DLG2: variants seen among roughly 807,000 people sequenced by gnomAD.
The protein encoded by DLG2 is disks large homolog 2.
In DLG2, 45 loss-of-function variants were observed where a neutral mutation model predicts 132.5. The ratio of observed to expected loss-of-function variants is 0.34; its 90% CI spans 0.27 to 0.44. The LOEUF (loss-of-function observed/expected upper bound fraction) is 0.44, where lower values mean the gene tolerates loss of function less well. Among genes scored for constraint, DLG2 ranks in the 20% least tolerant of loss-of-function variants. The pLI, the probability that DLG2 is intolerant of heterozygous loss-of-function variation, is 1.00. For missense variants in DLG2, 1,045 were observed against 1,196.9 expected (o/e 0.87, Z 1.87); for synonymous variants, 424 against 419.6 (o/e 1.01, Z -0.13).
At chr11:84,912,058 T>G (rs1182769505) in intron 6 of DLG2, among the ~76,000 whole-genome samples, 1 of 152,196 alleles carries the variant, frequency 6.6e-6, no homozygotes, top group African/African-American at 2.4e-5. Flanking sequence ...TAAGGAAATG[T>G]TCAGCTACAT....
At chr11:83,586,753 C>T (rs1014385497) in intron 19 of DLG2, among the ~76,000 whole-genome samples, 5 of 152,116 alleles carry the variant, frequency 3.3e-5, no homozygotes, top group African/African-American at 7.2e-5. Flanking sequence ...AACCAGCTTG[C>T]GTAAGTTTTC....
chr11:84,188,190 T>C (rs1033019866), intron 8 of DLG2, among the ~76,000 whole-genome samples: 16 of 152,122 alleles, frequency 1.1e-4, no homozygotes, highest in Non-Finnish European at 1.5e-5. Flanking sequence ...AAAATATAGT[T>C]ATACGCTTTA....
intron 16 of DLG2, among the ~76,000 whole-genome samples, chr11:83,861,518 AT>A (rs552178959): frequency 8.5e-5 from 13 of 152,236 alleles, no homozygotes; most frequent in Non-Finnish European, 1.5e-4. Context: ...AAAATGTGGT[AT>A]GTATACACAA....
intron 6 of DLG2, among the ~76,000 whole-genome samples, chr11:85,072,560 G>A (rs1265647967): frequency 6.6e-6 from 1 of 151,786 alleles, no homozygotes; most frequent in African/African-American, 2.4e-5. Flanking sequence ...CTTGCCAAGG[G>A]CTTTAAATAC....
chr11:83,982,345 G>A (rs2092862066), intron 11 of DLG2, among the ~76,000 whole-genome samples: 1 of 151,958 alleles, frequency 6.6e-6, no homozygotes, highest in African/African-American at 2.4e-5. Flanking sequence ...CATTTTACAT[G>A]TTATTGCTCC....
intron 6 of DLG2, among the ~76,000 whole-genome samples, chr11:85,040,403 T>A (rs151241771): frequency 5.2e-4 from 79 of 152,134 alleles, no homozygotes; most frequent in African/African-American, 1.9e-3. Context: ...CACATTTGAC[T>A]ATGTAAAGAT....
At chr11:85,164,032 T>TTGGGGTTTC (rs1266933940) in intron 4 of DLG2, among the ~76,000 whole-genome samples, 2 of 152,088 alleles carry the variant, frequency 1.3e-5, no homozygotes, top group East Asian at 3.8e-4. Flanking sequence ...AAATAAGGGC[T>TTGGGGTTTC]TGGGGTTTCT....
At chr11:84,249,807 G>T (rs753374072) in intron 8 of DLG2, among the ~76,000 whole-genome samples, 6 of 152,166 alleles carry the variant, frequency 3.9e-5, no homozygotes, top group Non-Finnish European at 5.9e-5. Context: ...TTCCGGTCTG[G>T]TCCCAAACTA....
chr11:85,258,804 G>T (rs2076792580), intron 4 of DLG2, among the ~76,000 whole-genome samples: 1 of 152,078 alleles, frequency 6.6e-6, no homozygotes, highest in Non-Finnish European at 1.5e-5. Flanking sequence ...GTAGGAGAGG[G>T]GAGGCTCAAG....
intron 17 of DLG2, among the ~76,000 whole-genome samples, chr11:83,804,223 T>A (rs932170047): frequency 1.3e-5 from 2 of 152,110 alleles, no homozygotes; most frequent in Non-Finnish European, 2.9e-5. Flanking sequence ...TCTTCCCAAC[T>A]GCAATCAGTC....
intron 18 of DLG2, chr11:83,652,087 A>C: frequency 3.4e-6 from 1 of 296,186 alleles, no homozygotes; most frequent in South Asian, 3.1e-5. Context: ...ATGTAGTATC[A>C]TCGTTTGCCC....
At chr11:85,506,895 G>A (rs999230570) in intron 3 of DLG2, among the ~76,000 whole-genome samples, 1 of 152,156 alleles carries the variant, frequency 6.6e-6, no homozygotes, top group Non-Finnish European at 1.5e-5. Context: ...ATGAATCTGG[G>A]TGCTCCTGTA....
intron 7 of DLG2, among the ~76,000 whole-genome samples, chr11:84,400,412 A>C (rs1444394068): frequency 6.6e-6 from 1 of 152,168 alleles, no homozygotes; most frequent in East Asian, 1.9e-4. Flanking sequence ...TGGTGAAGTA[A>C]ACCTAAGACT....
chr11:85,474,772 AT>A (rs145537189), intron 3 of DLG2, among the ~76,000 whole-genome samples: 1 of 151,754 alleles, frequency 6.6e-6, no homozygotes, highest in East Asian at 1.9e-4. Flanking sequence ...TTTAATTAAA[AT>A]TTACTTAATG....
intron 3 of DLG2, among the ~76,000 whole-genome samples, chr11:85,531,763 G>C (rs765962278): frequency 6.6e-5 from 10 of 152,140 alleles, no homozygotes; most frequent in African/African-American, 9.7e-5. Context: ...CACGCTGCAA[G>C]ATAAAATTAG....
intron 3 of DLG2, among the ~76,000 whole-genome samples, chr11:85,395,196 T>G (rs1228034470): frequency 6.6e-6 from 1 of 152,104 alleles, no homozygotes; most frequent in Non-Finnish European, 1.5e-5. Flanking sequence ...GAAAAAAGTG[T>G]TAATAAAGAT....
chr11:83,543,353 GT>G (rs1319751866), intron 19 of DLG2, among the ~76,000 whole-genome samples: 1 of 152,130 alleles, frequency 6.6e-6, no homozygotes, highest in Non-Finnish European at 1.5e-5. Context: ...TGAGCCACAG[GT>G]TTTTTGATGC....
chr11:84,861,617 G>A (rs1421140428), intron 6 of DLG2, among the ~76,000 whole-genome samples: 5 of 12,780 alleles, frequency 3.9e-4, no homozygotes, highest in Admixed American at 1.1e-3. Context: ...CTTCTACACA[G>A]CAAAAAAAAA....
chr11:84,190,802 C>G (rs1394244062), intron 8 of DLG2, among the ~76,000 whole-genome samples: 2 of 152,160 alleles, frequency 1.3e-5, no homozygotes, highest in Admixed American at 6.5e-5. Flanking sequence ...CTTCCTTCCT[C>G]TTCCCTCACT....
Sources: gnomAD v4.1 joint callset for allele counts (sites outside exome capture counted in the v4.1 genomes callset) on GRCh38, gnomAD v4.1.1 for gene constraint, MANE v1.5 for transcripts, NCBI Gene and HGNC (gene_info 2026-07-23, HGNC 2026-07-21) for gene names.